LPAR1: variants seen among roughly 807,000 people sequenced by gnomAD.
LPAR1 encodes the protein lysophosphatidic acid receptor 1.
In LPAR1, 5 loss-of-function variants were observed where a neutral mutation model predicts 23.8. The ratio of observed to expected loss-of-function variants is 0.21; its 90% CI spans 0.11 to 0.44. LPAR1 has a LOEUF of 0.44. Among genes scored for constraint, LPAR1 ranks in the 20% least tolerant of loss-of-function variants. The pLI, the probability that LPAR1 is intolerant of heterozygous loss-of-function variation, is 0.99. For missense variants in LPAR1, 311 were observed against 482.8 expected, an observed-to-expected ratio of 0.64 and a Z score of 3.33; for synonymous variants, 160 against 164.7, an observed-to-expected ratio of 0.97 and a Z score of 0.22.
At chr9:110,980,186 A>C (rs768366782) in intron 2 of LPAR1, among the ~76,000 whole-genome samples, 1 of 152,158 alleles carries the variant, frequency 6.6e-6, no homozygotes, top group Non-Finnish European at 1.5e-5. Flanking sequence ...TGCACATGGT[A>C]CATCTATAAA....
At chr9:111,032,447 G>A (rs2097816814) in intron 2 of LPAR1, among the ~76,000 whole-genome samples, 1 of 152,118 alleles carries the variant, frequency 6.6e-6, no homozygotes, top group African/African-American at 2.4e-5. Context: ...GCTCCTCCTG[G>A]AGGGTGGGAA....
chr9:110,935,802 TA>T (rs766024667), intron 5 of LPAR1, among the ~76,000 whole-genome samples: 5 of 152,212 alleles, frequency 3.3e-5, no homozygotes, highest in African/African-American at 9.6e-5. Context: ...ACTCTGCCTA[TA>T]AGGAATTGGT....
chr9:111,018,638 G>A (rs2097502120), intron 2 of LPAR1, among the ~76,000 whole-genome samples: 1 of 152,096 alleles, frequency 6.6e-6, no homozygotes, highest in Admixed American at 6.5e-5. Flanking sequence ...TGGGGAGTAT[G>A]GGTACTTTTT....
chr9:110,875,901 T>C (rs2078987224), intron 5 of LPAR1, among the ~76,000 whole-genome samples, 179 bp from the exon 6 acceptor site: 3 of 152,290 alleles, frequency 2.0e-5, no homozygotes, highest in Admixed American at 6.5e-5. Context: ...AATTTAACGA[T>C]AGTCAACTTA....
rs141106214 is a variant in LPAR1 at position 110,904,807 on chromosome 9, C to A, written c.794-29085G>T. Among the ~76,000 whole-genome samples the A allele has an allele frequency of 5.9e-3, 894 of 152,294 alleles. 3 individuals carry two copies. The highest frequency in any genetic ancestry group is 0.014 in the Middle Eastern group (4 of 292). On this transcript the variant is annotated intron_variant, in intron 5 of 5. Coordinates refer to ENST00000683809, the MANE Select transcript of LPAR1 (RefSeq NM_001351411.2). The stretch of plus-strand genomic sequence containing the variant: ...CTATACATTATTACAGGTTTTAATT[C>A]TTCTCATCCATCCCGTGTTATCCCT...
At chr9:110,943,479 T>C (rs2095250767) in intron 4 of LPAR1, among the ~76,000 whole-genome samples, 1 of 152,144 alleles carries the variant, frequency 6.6e-6, no homozygotes, top group Non-Finnish European at 1.5e-5. Flanking sequence ...TTTCCTTATC[T>C]AGACTTTAAT....
chr9:110,952,787 C>G (rs951071105), intron 4 of LPAR1, among the ~76,000 whole-genome samples: 2 of 152,118 alleles, frequency 1.3e-5, no homozygotes, highest in Non-Finnish European at 2.9e-5. Context: ...GATCACCCCG[C>G]CCCTGCCTAC....
intron 5 of LPAR1, among the ~76,000 whole-genome samples, chr9:110,923,822 A>T (rs1342459726): frequency 6.6e-6 from 1 of 152,214 alleles, no homozygotes; most frequent in Non-Finnish European, 1.5e-5. Context: ...TTCAAAAGTA[A>T]CACTGTTAAT....
At chr9:110,923,511 G>C (rs2093785423) in intron 5 of LPAR1, among the ~76,000 whole-genome samples, 1 of 152,182 alleles carries the variant, frequency 6.6e-6, no homozygotes. Flanking sequence ...TAATGTAAGT[G>C]TTCTGAGCAT....
At chr9:110,889,127 C>T (rs1261473017) in intron 5 of LPAR1, among the ~76,000 whole-genome samples, 5 of 152,202 alleles carry the variant, frequency 3.3e-5, no homozygotes, top group East Asian at 1.9e-4. Context: ...TTTGGGAGGC[C>T]GAGGCGGGCA....
At chr9:110,964,011 C>T (rs933020267) in intron 4 of LPAR1, among the ~76,000 whole-genome samples, 1 of 152,164 alleles carries the variant, frequency 6.6e-6, no homozygotes, top group Non-Finnish European at 1.5e-5. Flanking sequence ...ATTAATTGTT[C>T]ACATTTTAGT....
Position 110,941,496 on chromosome 9 carries a change from A to C in LPAR1, c.718T>G (p.Ser240Ala). Residue 240 changes from serine (S) to alanine (A), a missense_variant, in exon 5 of 6, where the codon TCT (serine) becomes GCT (alanine). Ser to Ala is a moderately conservative substitution (Grantham distance 99, BLOSUM62 1). Coordinates refer to ENST00000683809, the MANE Select transcript of LPAR1 (RefSeq NM_001351411.2). The surrounding 1 kb of genome is among the most constrained non-coding windows in gnomAD (Gnocchi z 6.1). ...CGCCGGGGTCCAGAACTATGCCGAG[A>C]CATTCTCATAGTCCTCTGGCGAACA... ...GYVRQRTMRM[S>A]RHSSGPRRNR... 6.2e-7 allele frequency: 1 copy of C among 1,614,012 alleles called. No homozygotes were observed. Among genetic ancestry groups the C allele is most frequent in the Non-Finnish European group, 8.5e-7 (1 of 1,179,868 alleles).
intron 4 of LPAR1, among the ~76,000 whole-genome samples, chr9:110,957,603 A>G (rs1379676517): frequency 3.9e-5 from 6 of 152,212 alleles, no homozygotes. Context: ...AATAAAGCCT[A>G]TATATGACAA....
At chr9:110,957,086 C>T (rs578085946) in intron 4 of LPAR1, among the ~76,000 whole-genome samples, 4 of 152,006 alleles carry the variant, frequency 2.6e-5, no homozygotes, top group East Asian at 1.9e-4. Context: ...TAATATACCA[C>T]GTTGGGCTCA....
chr9:110,918,906 A>G (rs982978810), intron 5 of LPAR1, among the ~76,000 whole-genome samples: 1 of 151,696 alleles, frequency 6.6e-6, no homozygotes, highest in Non-Finnish European at 1.5e-5. Flanking sequence ...TTCCATCTGT[A>G]CTCAAAATGG....
intron 2 of LPAR1, among the ~76,000 whole-genome samples, chr9:111,017,540 T>G (rs775775904): frequency 1.3e-5 from 2 of 152,190 alleles, no homozygotes; most frequent in Non-Finnish European, 2.9e-5. Context: ...AGAAGAAAAT[T>G]GAGCTTATGC....
At chr9:111,012,749 G>A (rs2097357665) in intron 2 of LPAR1, among the ~76,000 whole-genome samples, 1 of 152,064 alleles carries the variant, frequency 6.6e-6, no homozygotes, top group Admixed American at 6.6e-5. Context: ...ATCCTTTGAG[G>A]TTGGTGGTAA....
chr9:111,014,527 C>G (rs1245791241), intron 2 of LPAR1, among the ~76,000 whole-genome samples: 2 of 152,080 alleles, frequency 1.3e-5, no homozygotes, highest in Non-Finnish European at 2.9e-5. Context: ...ACACTTAACA[C>G]TAGACCCATC....
chr9:110,932,106 T>G (rs910893141), intron 5 of LPAR1, among the ~76,000 whole-genome samples: 12 of 152,152 alleles, frequency 7.9e-5, no homozygotes, highest in African/African-American at 2.7e-4. Context: ...TTGAATGAGA[T>G]CCACTATCAA....
Sources: gnomAD v4.1 joint callset for allele counts (sites outside exome capture counted in the v4.1 genomes callset) on GRCh38, gnomAD v4.1.1 for gene constraint, Gnocchi (gnomAD v3.1) non-coding constraint, MANE v1.5 for transcripts, NCBI Gene and HGNC (gene_info 2026-07-23, HGNC 2026-07-21) for gene names.